The following IQCH variants were observed in gnomAD, a reference collection of about 807,000 sequenced individuals.
The protein encoded by IQCH is IQ motif containing H.
IQCH carries 98 observed loss-of-function variants against 117.0 expected under a neutral mutation model. The ratio of observed to expected loss-of-function variants is 0.84; its 90% CI spans 0.71 to 0.99. IQCH has a LOEUF of 0.99. Ranked by LOEUF, IQCH falls within the 50% of genes least tolerant of loss-of-function variation. The probability of loss-of-function intolerance (pLI) is 0.00; values close to 1 mark genes in which losing one functional copy is unlikely to be tolerated. For missense variants in IQCH, 1,102 were observed against 1,243.8 expected (o/e 0.89, Z 1.72); for synonymous variants, 412 against 448.2 (o/e 0.92, Z 1.02).
intron 4 of IQCH, among the ~76,000 whole-genome samples, chr15:67,291,159 GA>G (rs1329032264): frequency 1.3e-5 from 2 of 152,054 alleles, no homozygotes; most frequent in African/African-American, 4.8e-5. Context: ...GTTCAGCTTG[GA>G]TACCTACCTT....
At position 67,441,540 on chromosome 15, in the gene IQCH, C is replaced by G. The variant is rs373254955; in HGVS notation, c.2505+19963C>G. On this transcript the variant is annotated intron_variant, in intron 16 of 20. Coordinates refer to ENST00000335894, the MANE Select transcript of IQCH (RefSeq NM_001031715.3). ...CATGGTACTGGTATAAAAATAGGCA[C>G]ATAGACCAATGGAACTAAATAGAGA... is the stretch of plus-strand genomic sequence containing the variant. Among the ~76,000 whole-genome samples, 48 of 152,260 alleles carry G rather than the reference C, an allele frequency of 3.2e-4. 1 individual carries two copies. In the East Asian group the frequency reaches 8.9e-3, roughly 28 times the overall value.
In IQCH at chr15:67,490,157, C is replaced by G; in HGVS notation, c.2861+93C>G. The G allele has an allele frequency of 1.2e-6, 1 of 854,432 alleles. No individual in the cohort carries two copies. Among genetic ancestry groups the G allele is most frequent in the Non-Finnish European group, 2.0e-6 (1 of 511,482 alleles). 52.9% of individuals were successfully genotyped at this position (854,432 alleles called of 1,614,324 possible). On this transcript the variant is annotated intron_variant, in intron 19 of 20. Coordinates refer to ENST00000335894, the MANE Select transcript of IQCH (RefSeq NM_001031715.3). This position sits in a 1 kb window ranked among gnomAD's most constrained non-coding sequence, Gnocchi z 4.9. ...GATGCTTCTCATGCATTTTAATCAG[C>G]ATGCTGATTTATTAGAAGTCTATCT...
chr15:67,307,123 C>T lies in IQCH; in HGVS notation c.387+27611C>T, dbSNP rs894420348. On this transcript the variant is annotated intron_variant, in intron 4 of 20. Transcript: ENST00000335894. ...TAACTGTTATGACCTAGAAAAAAAT[C>T]ATAAAAACATTTTTCTTTTTGGCAA... is the stretch of plus-strand genomic sequence containing the variant. 6.2e-6 allele frequency: 7 copies of T among 1,132,134 alleles called. No homozygotes were observed. The African/African-American group carries it at 9.7e-5, about 16-fold the overall frequency. 70.1% of individuals were successfully genotyped at this position (1,132,134 alleles called of 1,614,324 possible).
At chr15:67,489,543 C>T (rs369319061) in intron 18 of IQCH, among the ~76,000 whole-genome samples, 1 of 26,348 alleles carries the variant, frequency 3.8e-5, no homozygotes. Flanking sequence ...CTCCGCCTTC[C>T]GGGTTCAAGC....
Position 67,359,867 on chromosome 15 carries a change from AG to A in IQCH, c.737del (p.Gly246AspfsTer8). Reference sequence around the variant, plus strand: ...TGTAGGGGAAAAGCAGAAGGTCAAGAGGACATCATGATAGGAAGGTCTGTAA... The same window carrying A: ...TGTAGGGGAAAAGCAGAAGGTCAAGAGACATCATGATAGGAAGGTCTGTAA... ...RSKGKSRRSR[G>X]HHDRKAMKVK... On this transcript the variant is annotated frameshift_variant, in exon 8 of 21. Coordinates refer to ENST00000335894, the MANE Select transcript of IQCH (RefSeq NM_001031715.3). LOFTEE classifies it high-confidence loss of function. The surrounding 1 kb of genome is among the most constrained non-coding windows in gnomAD (Gnocchi z 4.5). 1 of 1,613,340 alleles carries A rather than the reference AG, an allele frequency of 6.2e-7. No homozygotes were observed. Among genetic ancestry groups the A allele is most frequent in the Non-Finnish European group, 8.5e-7 (1 of 1,179,268 alleles).
chr15:67,410,662 C>T (rs1048021895), intron 14 of IQCH, among the ~76,000 whole-genome samples: 1 of 152,170 alleles, frequency 6.6e-6, no homozygotes, highest in Non-Finnish European at 1.5e-5. Flanking sequence ...TGGGGGGCAA[C>T]AATCTCAATC....
chr15:67,352,123 A>T (rs910716108), intron 6 of IQCH, among the ~76,000 whole-genome samples: 2 of 151,788 alleles, frequency 1.3e-5, no homozygotes, highest in African/African-American at 4.8e-5. Flanking sequence ...TTTGGAATTG[A>T]TACATTCCTT....
intron 16 of IQCH, among the ~76,000 whole-genome samples, chr15:67,462,427 C>CAAA (rs57819872): frequency 2.6e-5 from 3 of 117,480 alleles, no homozygotes; most frequent in African/African-American, 9.2e-5. Flanking sequence ...GACTCCATCT[C>CAAA]AAAAAAAAAA....
At position 67,288,763 on chromosome 15, in the gene IQCH, C is replaced by T. The variant is rs145166619; in HGVS notation, c.387+9251C>T. Among the ~76,000 whole-genome samples the T allele has an allele frequency of 1.9e-3, 290 of 152,120 alleles. 4 individuals are homozygous for T. The highest frequency in any genetic ancestry group is 6.6e-3 in the African/African-American group (276 of 41,512). On this transcript the variant is annotated intron_variant, in intron 4 of 20. Transcript: ENST00000335894. ...CATTCAAAGTTATTACTGATAACTA[C>T]GTTAGGTACTCTTCTAAGCACTGGA...
chr15:67,256,276 C>G (rs1965192932), intron 1 of IQCH, among the ~76,000 whole-genome samples: 1 of 152,146 alleles, frequency 6.6e-6, no homozygotes, highest in Non-Finnish European at 1.5e-5. Context: ...GCATTACTTC[C>G]TCCCAGCCAT....
At chr15:67,455,731 T>A (rs2082644137) in intron 16 of IQCH, among the ~76,000 whole-genome samples, 1 of 152,150 alleles carries the variant, frequency 6.6e-6, no homozygotes, top group Admixed American at 6.5e-5. Flanking sequence ...TCATTTGAAG[T>A]GACAGTAAAG....
intron 1 of IQCH, 158 bp downstream of exon 1, chr15:67,255,105 C>T: frequency 1.4e-6 from 1 of 705,012 alleles, no homozygotes; most frequent in Non-Finnish European, 2.6e-6. Flanking sequence ...CCAGACCTTC[C>T]CCCACGGCCC....
At position 67,400,491 on chromosome 15, in the gene IQCH, C is replaced by CTTTTCTTTTTTTT. The variant is rs776111763; in HGVS notation, c.2097+190_2097+191insCTTTTTTTTTTTT. 8.3e-3 allele frequency among the ~76,000 whole-genome samples: 962 copies of CTTTTCTTTTTTTT among 115,540 alleles called. 127 individuals are homozygous for CTTTTCTTTTTTTT. Among genetic ancestry groups the CTTTTCTTTTTTTT allele is most frequent in the African/African-American group, 0.021 (666 of 31,568 alleles). 75.8% of individuals were successfully genotyped at this position (115,540 alleles called of 152,430 possible). ...TGGGATTGACTGAGTTCTTTTTTTT[C>CTTTTCTTTTTTTT]TTTTTTTTTTTGAGATGGGGCCTCA... On this transcript the variant is annotated intron_variant, in intron 14 of 20. Transcript: ENST00000335894.
In IQCH at chr15:67,491,369, A is replaced by T. The variant is rs2083649450; in HGVS notation, c.2861+1305A>T. Reference sequence around the variant, plus strand: ...GACCATTATCAATACAGTGATATTCACCCTCATCGATCCTTTTGAACTTAG... The same window carrying T: ...GACCATTATCAATACAGTGATATTCTCCCTCATCGATCCTTTTGAACTTAG... On this transcript the variant is annotated intron_variant, in intron 19 of 20. Transcript: ENST00000335894. This position sits in a 1 kb window ranked among gnomAD's most constrained non-coding sequence, Gnocchi z 4.9. Among the ~76,000 whole-genome samples the T allele has an allele frequency of 6.6e-6, 1 of 152,248 alleles. No homozygotes were observed. The highest frequency in any genetic ancestry group is 1.5e-5 in the Non-Finnish European group (1 of 68,012).
intron 3 of IQCH, among the ~76,000 whole-genome samples, chr15:67,273,180 C>T (rs894035171): frequency 2.6e-5 from 4 of 152,136 alleles, no homozygotes; most frequent in Admixed American, 2.0e-4. Flanking sequence ...AGGCAATTCT[C>T]CTACCTCAGC....
chr15:67,379,491 C>G (rs1970847441), intron 10 of IQCH, among the ~76,000 whole-genome samples: 1 of 152,104 alleles, frequency 6.6e-6, no homozygotes, highest in Non-Finnish European at 1.5e-5. Context: ...CTCAGTATCC[C>G]CTTGGGTTCC....
At chr15:67,304,335 T>TCAG in intron 4 of IQCH, 1 of 1,468,402 alleles carries the variant, frequency 6.8e-7, no homozygotes, top group South Asian at 1.3e-5. Context: ...TTTCTTTGTT[T>TCAG]CAGCGAAAGA....
Position 67,433,443 on chromosome 15 carries a change from C to T in IQCH, c.2505+11866C>T, listed in dbSNP as rs774333963. 6.6e-6 allele frequency among the ~76,000 whole-genome samples: 1 copy of T among 152,182 alleles called. No homozygotes were observed. Among genetic ancestry groups the T allele is most frequent in the Admixed American group, 6.5e-5 (1 of 15,280 alleles). ...CCCCCTTACACTGTAAACCTTCACA[C>T]TGAGAAATATTGAACCCAAGCCTAA... is the stretch of plus-strand genomic sequence containing the variant. On this transcript the variant is annotated intron_variant, in intron 16 of 20. Coordinates refer to ENST00000335894, the MANE Select transcript of IQCH (RefSeq NM_001031715.3). The surrounding 1 kb of genome is among the most constrained non-coding windows in gnomAD (Gnocchi z 5.4).
chr15:67,337,695 GAATGTCCTAAGTGT>G (rs1375829708), intron 5 of IQCH, among the ~76,000 whole-genome samples: 1 of 152,192 alleles, frequency 6.6e-6, no homozygotes, highest in East Asian at 1.9e-4. Context: ...ACCAAATACT[GAATGTCCTAAGTGT>G]AACCATCTCT....
Sources: allele counts gnomAD v4.1 joint callset (sites outside exome capture counted in the v4.1 genomes callset), GRCh38; gene constraint gnomAD v4.1.1; non-coding constraint Gnocchi (gnomAD v3.1); transcripts MANE v1.5; gene names NCBI Gene and HGNC (gene_info 2026-07-23, HGNC 2026-07-21).